The following PAK1 variants were observed in gnomAD, a reference collection of about 807,000 sequenced individuals.
PAK1 encodes p21 (RAC1) activated kinase 1.
A neutral mutation model predicts 67.4 loss-of-function variants in PAK1; 29 were observed. The ratio of observed to expected loss-of-function variants is 0.43; its 90% CI spans 0.32 to 0.59. The LOEUF is 0.59. Ranked by LOEUF, PAK1 falls within the 20% of genes least tolerant of loss-of-function variation. The pLI is 0.07. For synonymous variants in PAK1, 223 were observed against 237.4 expected, an observed-to-expected ratio of 0.94 and a Z score of 0.56; for missense variants, 337 against 670.7, an observed-to-expected ratio of 0.50 and a Z score of 5.50.
At chr11:77,344,521 A>G (rs1218861289) in intron 9 of PAK1, among the ~76,000 whole-genome samples, 1 of 152,226 alleles carries the variant, frequency 6.6e-6, no homozygotes, top group Admixed American at 6.5e-5. Context: ...TATATGGTAT[A>G]CGTTAGTTTC....
chr11:77,332,376 A>AG (rs138157105), intron 14 of PAK1, among the ~76,000 whole-genome samples: 370 of 494 alleles, frequency 0.75, 174 homozygotes, highest in South Asian at 1. Context: ...AAGGAAGGGA[A>AG]GGGAAGGGAA....
intron 4 of PAK1, among the ~76,000 whole-genome samples, chr11:77,378,028 G>A (rs1320140145): frequency 6.6e-6 from 1 of 152,286 alleles, no homozygotes; most frequent in East Asian, 1.9e-4. Context: ...TCCACCATCT[G>A]TGCCCTTGAA....
At chr11:77,338,246 A>C (rs1943047345) in intron 11 of PAK1, among the ~76,000 whole-genome samples, 1 of 152,156 alleles carries the variant, frequency 6.6e-6, no homozygotes, top group South Asian at 2.1e-4. Flanking sequence ...CCCAAAACTA[A>C]TTTTTTAGAA....
intron 4 of PAK1, among the ~76,000 whole-genome samples, chr11:77,376,556 G>A (rs1949109675): frequency 6.6e-6 from 1 of 152,004 alleles, no homozygotes; most frequent in South Asian, 2.1e-4. Context: ...GGCCAATATG[G>A]TGAAACCCCA....
chr11:77,403,624 C>T (rs984087367), intron 1 of PAK1, among the ~76,000 whole-genome samples: 3 of 152,188 alleles, frequency 2.0e-5, no homozygotes, highest in African/African-American at 4.8e-5. Flanking sequence ...CAAAAACCAT[C>T]AACCCCTTGC....
chr11:77,483,438 T>C, the PAK1 span, among the ~76,000 whole-genome samples: 1 of 152,238 alleles, frequency 6.6e-6, no homozygotes, highest in African/African-American at 2.4e-5. Flanking sequence ...AACAGACATT[T>C]ATCAAAACTC....
chr11:77,381,315 A>C (rs1949808212), intron 2 of PAK1, among the ~76,000 whole-genome samples: 1 of 152,180 alleles, frequency 6.6e-6, no homozygotes, highest in Non-Finnish European at 1.5e-5. Context: ...TGCTTTCTCA[A>C]AGCTCTGCAG....
intron 13 of PAK1, among the ~76,000 whole-genome samples, chr11:77,333,200 T>C (rs1000646166): frequency 2.0e-5 from 3 of 146,964 alleles, no homozygotes; most frequent in Non-Finnish European, 3.0e-5. Context: ...TCTTCTTTTT[T>C]TTTTTTTTTT....
chr11:77,419,521 A>C (rs1261715934), intron 1 of PAK1, among the ~76,000 whole-genome samples: 1 of 152,198 alleles, frequency 6.6e-6, no homozygotes, highest in Non-Finnish European at 1.5e-5. Flanking sequence ...TATAAAAGCA[A>C]ATGATCAATA....
At chr11:77,435,680 TTGTA>T in intron 1 of PAK1, among the ~76,000 whole-genome samples, 1 of 146,408 alleles carries the variant, frequency 6.8e-6, no homozygotes, top group Non-Finnish European at 1.5e-5. Context: ...TTTTTTTTTT[TTGTA>T]TTTTTAGTAG....
At chr11:77,500,033 T>C in the PAK1 span, among the ~76,000 whole-genome samples, 1 of 152,178 alleles carries the variant, frequency 6.6e-6, no homozygotes. Flanking sequence ...GCCCTGACCA[T>C]AAGTGAGTGG....
In PAK1 at chr11:77,324,808, A is replaced by AGAG. The variant is rs1565565657; in HGVS notation, c.1552-1449_1552-1448insCTC. ...AGAGAGAGACAGAGAGAGAGAGAGA[A>AGAG]AGAGAAAGAGAGAGAAACATATATA... is the stretch of plus-strand genomic sequence containing the variant. On this transcript the variant is annotated intron_variant, in intron 14 of 14. Coordinates refer to ENST00000356341, the MANE Select transcript of PAK1 (RefSeq NM_002576.5). 7.1e-4 allele frequency among the ~76,000 whole-genome samples: 97 copies of AGAG among 136,596 alleles called. 1 individual carries two copies. The highest frequency in any genetic ancestry group is 3.1e-3 in the African/African-American group (95 of 30,190). The allele number at this position is 136,596 out of a possible 152,430, so 89.6% of individuals were successfully genotyped here.
intron 1 of PAK1, among the ~76,000 whole-genome samples, chr11:77,460,209 A>G (rs1265233994): frequency 1.3e-5 from 2 of 151,104 alleles, no homozygotes; most frequent in Admixed American, 1.3e-4. Flanking sequence ...AAAAAGAAAG[A>G]AGGAAAGAAA....
intron 1 of PAK1, among the ~76,000 whole-genome samples, chr11:77,406,950 G>A (rs1207374738): frequency 6.6e-6 from 1 of 152,182 alleles, no homozygotes; most frequent in Non-Finnish European, 1.5e-5. Flanking sequence ...CATAGGTGCT[G>A]CATGAATCCA....
At chr11:77,514,216 G>A in the PAK1 span, among the ~76,000 whole-genome samples, 3 of 152,146 alleles carry the variant, frequency 2.0e-5, no homozygotes, top group Non-Finnish European at 4.4e-5. Flanking sequence ...AGTCACAGTC[G>A]GGCACGGTGG....
At chr11:77,508,907 G>T in the PAK1 span, among the ~76,000 whole-genome samples, 4 of 147,200 alleles carry the variant, frequency 2.7e-5, no homozygotes, top group Admixed American at 2.7e-4. Context: ...TGATCCGCCC[G>T]CCTCGGCCTC....
chr11:77,397,933 T>C (rs1310011287), intron 1 of PAK1, among the ~76,000 whole-genome samples: 1 of 152,244 alleles, frequency 6.6e-6, no homozygotes, highest in Non-Finnish European at 1.5e-5. Flanking sequence ...ATAGAAATTT[T>C]ACTTATCCTT....
intron 13 of PAK1, among the ~76,000 whole-genome samples, chr11:77,333,757 C>G (rs1942161233): frequency 1.3e-5 from 2 of 152,088 alleles, no homozygotes; most frequent in African/African-American, 2.4e-5. Context: ...GCACTTAATT[C>G]AAAGAGTACT....
intron 1 of PAK1, among the ~76,000 whole-genome samples, chr11:77,473,056 G>C (rs183936229): frequency 6.6e-6 from 1 of 152,318 alleles, no homozygotes; most frequent in African/African-American, 2.4e-5. Flanking sequence ...CGTAAGTCAA[G>C]TCCTACCAGC....
Sources: allele counts gnomAD v4.1 joint callset (sites outside exome capture counted in the v4.1 genomes callset), GRCh38; gene constraint gnomAD v4.1.1; transcripts MANE v1.5; gene names NCBI Gene and HGNC (gene_info 2026-07-23, HGNC 2026-07-21).